RECQL5: variants seen among roughly 807,000 people sequenced by gnomAD.
RECQL5 encodes RecQ like helicase 5.
RECQL5 carries 88 observed loss-of-function variants against 103.4 expected under a neutral mutation model. The ratio of observed to expected loss-of-function variants is 0.85; its 90% confidence interval spans 0.72 to 1.02. The LOEUF is 1.02. RECQL5 is among the 50% of genes least tolerant of loss of function. RECQL5 has a pLI of 0.00. For synonymous variants in RECQL5, 552 were observed against 507.9 expected, an observed-to-expected ratio of 1.09 and a Z score of -1.17; for missense variants, 1,232 against 1,284.3, an observed-to-expected ratio of 0.96 and a Z score of 0.62.
chr17:75,627,502 G>A lies in RECQL5; in HGVS notation c.2896C>T (p.Leu966Phe). 1.2e-6 allele frequency: 2 copies of A among 1,613,930 alleles called. No individual in the cohort carries two copies. The highest frequency in any genetic ancestry group is 1.7e-6 in the Non-Finnish European group (2 of 1,179,994). Residue 966 changes from leucine (L) to phenylalanine (F), a missense_variant, in exon 20 of 20, where the codon CTC (leucine) becomes TTC (phenylalanine). Physicochemically the swap from Leu to Phe is conservative, Grantham distance 22. Coordinates refer to ENST00000317905, the MANE Select transcript of RECQL5 (RefSeq NM_004259.7). ...CGGCCATGGAAGAAGTGCCTGATGA[G>A]GTTCTGGGCCTCTTCTTTCACTACA... ...GRSVKEEAQN[L>F]IRHFFHGRAR... is the part of the protein sequence containing the mutation.
chr17:75,656,470 T>A (rs1437067020), intron 7 of RECQL5, among the ~76,000 whole-genome samples: 2 of 152,208 alleles, frequency 1.3e-5, no homozygotes, highest in Non-Finnish European at 1.5e-5. Flanking sequence ...AATTAAGTTT[T>A]TTTTTTGTTT....
At chr17:75,664,716 C>T (rs1005288052) in intron 3 of RECQL5, among the ~76,000 whole-genome samples, 1 of 151,764 alleles carries the variant, frequency 6.6e-6, no homozygotes, top group Non-Finnish European at 1.5e-5. Flanking sequence ...AGTTTGAGAC[C>T]AGCCTGGCCA....
intron 8 of RECQL5, chr17:75,641,123 G>A: frequency 1.4e-6 from 1 of 712,388 alleles, no homozygotes; most frequent in East Asian, 3.0e-5. Context: ...GTGCTGGGGA[G>A]TCAGCTGTTT....
intron 3 of RECQL5, among the ~76,000 whole-genome samples, chr17:75,663,239 C>T (rs540794929): frequency 7.2e-5 from 11 of 152,302 alleles, no homozygotes; most frequent in South Asian, 4.1e-4. Context: ...AATGAGATCT[C>T]TTAAAGATGA....
At position 75,660,994 on chromosome 17, in the gene RECQL5, G is replaced by A. The variant is rs1186806744; in HGVS notation, c.947C>T (p.Thr316Ile). 6.2e-7 allele frequency: 1 copy of A among 1,614,058 alleles called. No homozygotes were observed. Among genetic ancestry groups the A allele is most frequent in the Non-Finnish European group, 8.5e-7 (1 of 1,180,026 alleles). The part of the protein sequence containing the change: ...MEEKVPVIVA[T>I]ISFGMGVDKA... ...ATCCACTCCCATCCCAAAACTAATGGTTGCAACAATTACAGGGACCTTCTC... is the reference window on the plus strand; with the variant it reads ...ATCCACTCCCATCCCAAAACTAATGATTGCAACAATTACAGGGACCTTCTC... Residue 316 changes from threonine (T) to isoleucine (I), a missense_variant, in exon 6 of 20, where the codon ACC becomes ATC. Physicochemically the swap from Thr to Ile is moderately conservative, Grantham distance 89. Transcript: ENST00000317905.
chr17:75,650,411 T>C, intron 8 of RECQL5: 4 of 1,284,842 alleles, frequency 3.1e-6, no homozygotes, highest in Non-Finnish European at 4.0e-6. Flanking sequence ...ATGGCCCAGG[T>C]GTATGCAAAT....
At chr17:75,642,191 G>A (rs2059442906) in intron 8 of RECQL5, among the ~76,000 whole-genome samples, 1 of 152,232 alleles carries the variant, frequency 6.6e-6, no homozygotes, top group East Asian at 1.9e-4. Context: ...GAACCCAGGA[G>A]TGAGGGGAGG....
At chr17:75,652,375 T>C (rs1282753758) in intron 7 of RECQL5, 1 of 152,210 alleles carries the variant, frequency 6.6e-6, no homozygotes, top group African/African-American at 2.4e-5. Flanking sequence ...GTGCACCACT[T>C]GGATCACACA....
At chr17:75,634,558 G>A (rs902989262) in intron 8 of RECQL5, among the ~76,000 whole-genome samples, 2 of 152,208 alleles carry the variant, frequency 1.3e-5, no homozygotes, top group African/African-American at 2.4e-5. Context: ...AATGGCTGCC[G>A]GCCTGCTGAG....
At position 75,651,276 on chromosome 17, in the gene RECQL5, A is replaced by G; in HGVS notation, c.1150-11T>C. 6.2e-7 allele frequency: 1 copy of G among 1,614,090 alleles called. No homozygotes were observed. Among genetic ancestry groups the G allele is most frequent in the Non-Finnish European group, 8.5e-7 (1 of 1,180,002 alleles). On this transcript the variant is annotated splice_polypyrimidine_tract_variant and intron_variant, in intron 7 of 19. Transcript: ENST00000317905. ...GTTTCCTCTCTTTTCCTGGGGACAA[A>G]AAATGACCACTTAGCAAGTCTTATA...
rs769645716 is a variant in RECQL5 at position 75,658,401 on chromosome 17, C to G, written c.1046G>C (p.Arg349Pro). 7 of 1,613,940 alleles carry G rather than the reference C, an allele frequency of 4.3e-6. No homozygotes were observed. The East Asian group carries it at 1.3e-4, about 31-fold the overall frequency. ...SMAGYYQESG[R>P]AGRDGKPSWC... is the part of the protein sequence containing the mutation. Reference sequence around the variant, plus strand: ...GGAAGGCTTCCCATCCCTGCCAGCCCGGCCAGACTCCTGGTAGTACCCAGC... The same window carrying G: ...GGAAGGCTTCCCATCCCTGCCAGCCGGGCCAGACTCCTGGTAGTACCCAGC... The change falls in exon 7 of 20, where the codon CGG becomes CCG. Residue 349 changes from arginine to proline, a missense_variant. By Grantham distance (103) the Arg-to-Pro change is moderately radical. Transcript: ENST00000317905.
At chr17:75,658,606 T>G in intron 6 of RECQL5, 146 bp from the exon 7 acceptor site, 1 of 673,122 alleles carries the variant, frequency 1.5e-6, no homozygotes, top group Non-Finnish European at 2.4e-6. Context: ...AAGACACCTG[T>G]AGCCCATCAG....
Position 75,631,525 on chromosome 17 carries a change from A to G in RECQL5, c.1373T>C (p.Ile458Thr), listed in dbSNP as rs754317656. The change falls in exon 9 of 20, where the codon ATC (isoleucine) becomes ACC (threonine). Residue 458 changes from isoleucine (I) to threonine (T), a missense_variant. Ile to Thr is a moderately conservative substitution (Grantham distance 89). Transcript: ENST00000317905. ...ERSSSWSKTC[I>T]GPSQGNGFDP... ...AAAGCCGTTCCCCTGGGAGGGCCCG[A>G]TGCAGGTCTTGCTCCAGCTGCTGCT... The G allele has an allele frequency of 5.6e-6, 9 of 1,613,248 alleles. No homozygotes were observed. In the South Asian group the frequency reaches 9.9e-5, roughly 18 times the overall value.
In RECQL5 at chr17:75,641,201, GGTCCCCATACCTTGATGGAGAACA is replaced by G. The variant is rs1377450505; in HGVS notation, c.1230-9557_1230-9534del. On this transcript the variant is annotated intron_variant, in intron 8 of 19. Coordinates refer to ENST00000317905, the MANE Select transcript of RECQL5 (RefSeq NM_004259.7). Reference sequence around the variant, plus strand: ...CTTTTTAACAAAACAAGGAAGTAGGGGTCCCCATACCTTGATGGAGAACAGTCCCCACCTGTGGGCAATTGGCCC... The same window carrying G: ...CTTTTTAACAAAACAAGGAAGTAGGGGTCCCCACCTGTGGGCAATTGGCCC... 1.1e-4 allele frequency: 36 copies of G among 341,842 alleles called. 1 individual carries two copies. The Admixed American group carries it at 1.3e-3, about 12-fold the overall frequency. The allele number at this position is 341,842 out of a possible 1,614,324, so 21.2% of individuals were successfully genotyped here. A position where few individuals can be genotyped will look rare whatever the true frequency, so the allele number is the denominator to read the frequency against.
intron 7 of RECQL5, among the ~76,000 whole-genome samples, chr17:75,655,733 T>C (rs1203288828): frequency 1.3e-5 from 2 of 151,422 alleles, no homozygotes; most frequent in African/African-American, 4.9e-5. Context: ...CGTCCTCCAC[T>C]CCATGGTATG....
At chr17:75,659,635 T>C (rs941232505) in intron 6 of RECQL5, among the ~76,000 whole-genome samples, 1 of 152,102 alleles carries the variant, frequency 6.6e-6, no homozygotes, top group Non-Finnish European at 1.5e-5. Flanking sequence ...ATTATAGGTG[T>C]GAACCACTAC....
chr17:75,629,362 C>T lies in RECQL5; in HGVS notation c.2061G>A (p.Arg687=). The T allele has an allele frequency of 6.6e-7, 1 of 1,513,054 alleles. No individual in the cohort carries two copies. Among genetic ancestry groups the T allele is most frequent in the Non-Finnish European group, 8.8e-7 (1 of 1,131,206 alleles). The allele number at this position is 1,513,054 out of a possible 1,614,324, so 93.7% of individuals were successfully genotyped here. Residue 687 remains arginine (R), a synonymous_variant, in exon 16 of 20, where the codon CGG becomes CGA. Coordinates refer to ENST00000317905, the MANE Select transcript of RECQL5 (RefSeq NM_004259.7). Reference sequence around the variant, plus strand: ...GGCTCGGGGGCTCGTGCTCGCCTCCCCGCTCGGGCTGGGGGGCTTGCTCCC... The same window carrying T: ...GGCTCGGGGGCTCGTGCTCGCCTCCTCGCTCGGGCTGGGGGGCTTGCTCCC... ...RIREQAPQPE[R]GGEHEPPSRP...
intron 7 of RECQL5, among the ~76,000 whole-genome samples, chr17:75,654,019 C>T (rs1317906623): frequency 2.6e-5 from 4 of 152,280 alleles, no homozygotes; most frequent in Non-Finnish European, 2.9e-5. Flanking sequence ...CCAATACACA[C>T]AAATACACAC....
intron 6 of RECQL5, 73 bp from the exon 7 acceptor site, chr17:75,658,533 C>G (rs989578021): frequency 1.4e-6 from 2 of 1,461,374 alleles, no homozygotes; most frequent in South Asian, 1.2e-5. Context: ...GTAATCATGA[C>G]TAGGAGAGCA....
Sources: allele counts gnomAD v4.1 joint callset (sites outside exome capture counted in the v4.1 genomes callset), GRCh38; gene constraint gnomAD v4.1.1; transcripts MANE v1.5; gene names NCBI Gene and HGNC (gene_info 2026-07-23, HGNC 2026-07-21).